Variants in TAFA2 observed in about 807,000 individuals in gnomAD.
TAFA2 encodes the protein TAFA chemokine like family member 2.
In TAFA2, 7 loss-of-function variants were observed where a neutral mutation model predicts 18.8. The ratio of observed to expected loss-of-function variants is 0.37; its 90% CI spans 0.21 to 0.70. The LOEUF (loss-of-function observed/expected upper bound fraction) is 0.70, where lower values mean the gene tolerates loss of function less well. TAFA2 is among the 30% of genes least tolerant of loss of function. TAFA2 has a pLI of 0.53. For synonymous variants in TAFA2, 60 were observed against 54.2 expected (o/e 1.11, Z -0.47); for missense variants, 122 against 158.1 (o/e 0.77, Z 1.23).
intron 1 of TAFA2, chr12:61,880,481 A>G: frequency 1.9e-6 from 1 of 535,574 alleles, no homozygotes; most frequent in Non-Finnish European, 3.8e-6. Context: ...CCTGGACATC[A>G]AGACTGCCAC....
chr12:61,796,786 T>G (rs2120951151), intron 2 of TAFA2, among the ~76,000 whole-genome samples: 1 of 152,282 alleles, frequency 6.6e-6, no homozygotes, highest in East Asian at 1.9e-4. Context: ...TTCCTTCAAT[T>G]TATCTTAAAT....
intron 1 of TAFA2, among the ~76,000 whole-genome samples, chr12:62,227,094 A>C (rs976585598): frequency 1.3e-5 from 2 of 152,072 alleles, no homozygotes; most frequent in South Asian, 4.1e-4. Context: ...TTCATAATCC[A>C]TTCCCCTTTC....
intron 1 of TAFA2, among the ~76,000 whole-genome samples, chr12:62,055,301 A>G (rs1882159988): frequency 6.6e-6 from 1 of 152,226 alleles, no homozygotes; most frequent in Admixed American, 6.5e-5. Flanking sequence ...ACAGACTAAG[A>G]TAACTATAGC....
At chr12:62,162,949 T>A (rs2136932109) in intron 1 of TAFA2, among the ~76,000 whole-genome samples, 1 of 151,678 alleles carries the variant, frequency 6.6e-6, no homozygotes, top group Admixed American at 6.6e-5. Context: ...TCCAAAGGCA[T>A]AAATCAAAAA....
At chr12:62,089,936 C>A (rs1211657587) in intron 1 of TAFA2, among the ~76,000 whole-genome samples, 14 of 152,150 alleles carry the variant, frequency 9.2e-5, no homozygotes, top group Admixed American at 9.2e-4. Flanking sequence ...TCCATCAAAT[C>A]GCATTCATTA....
intron 1 of TAFA2, among the ~76,000 whole-genome samples, chr12:62,028,647 G>A (rs1361925634): frequency 2.0e-5 from 3 of 152,120 alleles, no homozygotes; most frequent in East Asian, 3.8e-4. Context: ...ACTATCCTAA[G>A]TTTCCTCTAA....
chr12:62,149,602 T>C (rs116600163), intron 1 of TAFA2, among the ~76,000 whole-genome samples: 8,111 of 148,862 alleles, frequency 0.054, 293 homozygotes, highest in South Asian at 0.12. Flanking sequence ...TATATATATA[T>C]ACTCTTGACT....
chr12:62,042,217 T>C (rs1881775927), intron 1 of TAFA2, among the ~76,000 whole-genome samples: 1 of 151,930 alleles, frequency 6.6e-6, no homozygotes, highest in Non-Finnish European at 1.5e-5. Context: ...CAAAAGCACG[T>C]AAATACTCAA....
chr12:62,249,373 C>G (rs1211572995), intron 1 of TAFA2, among the ~76,000 whole-genome samples: 5 of 151,938 alleles, frequency 3.3e-5, no homozygotes, highest in African/African-American at 4.8e-5. Context: ...CAGTCCTCAC[C>G]TTTGGCTTAA....
intron 1 of TAFA2, among the ~76,000 whole-genome samples, chr12:62,008,776 T>C (rs1347514832): frequency 2.0e-5 from 3 of 152,186 alleles, no homozygotes; most frequent in African/African-American, 4.8e-5. Context: ...TTGCAGTTAT[T>C]TGGTGTTTTG....
chr12:62,074,988 C>T (rs963651297), intron 1 of TAFA2, among the ~76,000 whole-genome samples: 6 of 152,222 alleles, frequency 3.9e-5, no homozygotes, highest in African/African-American at 1.4e-4. Flanking sequence ...AGGCGTGAGC[C>T]ACCACACTTG....
At chr12:62,193,507 T>A (rs190763067), upstream of TAFA2, among the ~76,000 whole-genome samples, 2 of 152,254 alleles carry the variant, frequency 1.3e-5, no homozygotes, top group Non-Finnish European at 2.9e-5. Flanking sequence ...CTACATACCA[T>A]ATTTACAAAG....
In TAFA2 at chr12:62,118,539, T is replaced by C. The variant is rs373124498; in HGVS notation, c.-2+72720A>G. On this transcript the variant is annotated intron_variant, in intron 1 of 4. Coordinates refer to ENST00000416284, the MANE Select transcript of TAFA2 (RefSeq NM_178539.5). The stretch of plus-strand genomic sequence containing the variant: ...ATATGAATGTTCAATTTTTCCAAAT[T>C]GTTTAATGTTTTTTAAAATGATTGC... Among the ~76,000 whole-genome samples the C allele has an allele frequency of 7.2e-5, 11 of 152,262 alleles. No individual in the cohort carries two copies. In the East Asian group the frequency reaches 1.2e-3, roughly 16 times the overall value.
chr12:61,742,208 A>C (rs535410380), intron 4 of TAFA2, among the ~76,000 whole-genome samples: 23 of 152,036 alleles, frequency 1.5e-4, no homozygotes, highest in Non-Finnish European at 3.1e-4. Flanking sequence ...ATTTATTCTT[A>C]TTTTTAAAGT....
At chr12:61,773,477 C>G (rs902126347) in intron 2 of TAFA2, among the ~76,000 whole-genome samples, 2 of 151,910 alleles carry the variant, frequency 1.3e-5, no homozygotes, top group Non-Finnish European at 2.9e-5. Flanking sequence ...CTATAGTCAC[C>G]AAAACATCAT....
intron 2 of TAFA2, among the ~76,000 whole-genome samples, chr12:61,835,107 C>T (rs926082477): frequency 7.9e-5 from 12 of 151,806 alleles, no homozygotes; most frequent in Admixed American, 5.3e-4. Flanking sequence ...AAAAACATTT[C>T]GATTTTAAAC....
At chr12:62,185,541 C>T (rs193015505) in intron 1 of TAFA2, among the ~76,000 whole-genome samples, 33 of 152,262 alleles carry the variant, frequency 2.2e-4, no homozygotes, top group Admixed American at 1.2e-3. Context: ...CTAGCACCAA[C>T]AAATTTGAGT....
intron 4 of TAFA2, among the ~76,000 whole-genome samples, chr12:61,740,301 G>T (rs1161701061): frequency 1.3e-5 from 2 of 151,946 alleles, no homozygotes; most frequent in Non-Finnish European, 1.5e-5. Context: ...GGACACAGGG[G>T]TGGGGGGGAA....
chr12:62,091,895 C>G (rs1868729635), intron 1 of TAFA2, among the ~76,000 whole-genome samples: 1 of 151,960 alleles, frequency 6.6e-6, no homozygotes, highest in African/African-American at 2.4e-5. Flanking sequence ...GTAAAGCATT[C>G]TAATTGCTGT....
Sources: gnomAD v4.1 joint callset for allele counts (sites outside exome capture counted in the v4.1 genomes callset) on GRCh38, gnomAD v4.1.1 for gene constraint, MANE v1.5 for transcripts, NCBI Gene and HGNC (gene_info 2026-07-23, HGNC 2026-07-21) for gene names.